Variants in NRG3 observed in about 807,000 individuals in gnomAD.
NRG3 encodes pro-neuregulin-3, membrane-bound isoform.
Under a neutral mutation model 66.9 loss-of-function variants are expected in NRG3, and 31 were observed. That is an observed-to-expected ratio of 0.46 (90% confidence interval 0.35 to 0.63). The LOEUF (loss-of-function observed/expected upper bound fraction) is 0.63. NRG3 is among the 20% of genes least tolerant of loss of function. The pLI is 0.00. For synonymous variants in NRG3, 393 were observed against 359.4 expected, an observed-to-expected ratio of 1.09 and a Z score of -1.06; for missense variants, 910 against 878.9, an observed-to-expected ratio of 1.04 and a Z score of -0.45.
chr10:82,963,491 T>TA (rs1371700571), intron 6 of NRG3, among the ~76,000 whole-genome samples: 1 of 151,978 alleles, frequency 6.6e-6, no homozygotes, highest in Non-Finnish European at 1.5e-5. Context: ...CAATCCTGGC[T>TA]AACACGGTGA....
At chr10:81,943,928 CA>C (rs761414106) in intron 1 of NRG3, among the ~76,000 whole-genome samples, 13 of 152,126 alleles carry the variant, frequency 8.5e-5, no homozygotes, top group Non-Finnish European at 1.8e-4. Context: ...CACATTGTGA[CA>C]AGTGTAGTCT....
At chr10:82,713,193 C>T (rs1299855836) in intron 2 of NRG3, among the ~76,000 whole-genome samples, 1 of 149,820 alleles carries the variant, frequency 6.7e-6, no homozygotes, top group Non-Finnish European at 1.5e-5. Context: ...AGGAGGACTA[C>T]CTTAAAGGAT....
chr10:82,807,032 G>T (rs576563383), intron 3 of NRG3, among the ~76,000 whole-genome samples: 2 of 152,258 alleles, frequency 1.3e-5, no homozygotes, highest in African/African-American at 4.8e-5. Flanking sequence ...CACATTGTTT[G>T]CTGCCAAGAC....
intron 2 of NRG3, among the ~76,000 whole-genome samples, chr10:82,427,107 A>G (rs2089499026): frequency 6.6e-6 from 1 of 152,054 alleles, no homozygotes; most frequent in Non-Finnish European, 1.5e-5. Context: ...GTGTTTTGGT[A>G]TTTTTGCAAG....
At chr10:82,131,898 T>C (rs2068848092) in intron 1 of NRG3, among the ~76,000 whole-genome samples, 1 of 152,140 alleles carries the variant, frequency 6.6e-6, no homozygotes, top group South Asian at 2.1e-4. Flanking sequence ...TTTCCAACTT[T>C]GCTCAGTTTG....
chr10:82,766,743 G>A (rs2059527909), intron 3 of NRG3, among the ~76,000 whole-genome samples: 1 of 151,766 alleles, frequency 6.6e-6, no homozygotes, highest in Non-Finnish European at 1.5e-5. Context: ...ATGTATACAT[G>A]TATTTCCTAT....
At chr10:82,027,017 G>T (rs1348003360) in intron 1 of NRG3, among the ~76,000 whole-genome samples, 1 of 151,852 alleles carries the variant, frequency 6.6e-6, no homozygotes, top group Non-Finnish European at 1.5e-5. Context: ...ATTCATGGGG[G>T]CAGCTAATGA....
intron 4 of NRG3, among the ~76,000 whole-genome samples, chr10:82,875,947 G>A (rs1039114603): frequency 2.0e-5 from 3 of 152,206 alleles, no homozygotes; most frequent in African/African-American, 7.2e-5. Flanking sequence ...TAATTTTCGG[G>A]TGAGATTAAT....
At chr10:82,980,790 T>C (rs1488481954) in intron 8 of NRG3, among the ~76,000 whole-genome samples, 2 of 152,206 alleles carry the variant, frequency 1.3e-5, no homozygotes, top group African/African-American at 4.8e-5. Flanking sequence ...GCCAAGGGGT[T>C]CAAAATGTAT....
chr10:82,548,208 T>A (rs1021492854), intron 2 of NRG3, among the ~76,000 whole-genome samples: 2 of 152,096 alleles, frequency 1.3e-5, no homozygotes, highest in Non-Finnish European at 2.9e-5. Flanking sequence ...TTTTGCTTTG[T>A]GAGAGAAAAT....
chr10:81,986,913 C>G (rs1315931968), intron 1 of NRG3, among the ~76,000 whole-genome samples: 2 of 152,142 alleles, frequency 1.3e-5, no homozygotes, highest in African/African-American at 4.8e-5. Context: ...AACTCCTGAA[C>G]TTAAGTAATC....
intron 1 of NRG3, among the ~76,000 whole-genome samples, chr10:81,975,864 T>G (rs1383615299): frequency 1.3e-5 from 2 of 152,062 alleles, no homozygotes; most frequent in Non-Finnish European, 2.9e-5. Flanking sequence ...GTCTTTTAAA[T>G]GAGGAAGAAG....
chr10:82,909,135 C>T (rs1845070898), intron 4 of NRG3, among the ~76,000 whole-genome samples: 1 of 152,214 alleles, frequency 6.6e-6, no homozygotes, highest in African/African-American at 2.4e-5. Flanking sequence ...GGCCAGAAAC[C>T]ATGCAATTTC....
At chr10:81,960,645 C>A (rs1850269949) in intron 1 of NRG3, among the ~76,000 whole-genome samples, 1 of 151,434 alleles carries the variant, frequency 6.6e-6, no homozygotes, top group Non-Finnish European at 1.5e-5. Flanking sequence ...TCAAGCGTTA[C>A]ACTTTGTTTA....
intron 1 of NRG3, among the ~76,000 whole-genome samples, chr10:82,065,723 G>A (rs17655972): frequency 0.4 from 60,576 of 151,954 alleles, 14,383 homozygotes; most frequent in Non-Finnish European, 0.54. Flanking sequence ...TCTCTAGATG[G>A]ACCCTTGCAG....
intron 2 of NRG3, among the ~76,000 whole-genome samples, chr10:82,652,166 A>T (rs2051467318): frequency 6.6e-6 from 1 of 152,128 alleles, no homozygotes; most frequent in African/African-American, 2.4e-5. Flanking sequence ...TGCCAGCAGG[A>T]GTGAACTCCA....
At chr10:82,966,010 G>T (rs1851177022) in intron 6 of NRG3, among the ~76,000 whole-genome samples, 1 of 151,972 alleles carries the variant, frequency 6.6e-6, no homozygotes, top group Non-Finnish European at 1.5e-5. Flanking sequence ...TGATATTTTA[G>T]GATAGCTTTC....
intron 1 of NRG3, among the ~76,000 whole-genome samples, chr10:82,298,280 GAGGAAGGA>G (rs1039697003): frequency 6.6e-5 from 10 of 151,466 alleles, no homozygotes; most frequent in Admixed American, 3.3e-4. Flanking sequence ...GGGAGAGAGG[GAGGAAGGA>G]AGGAAGGAAG....
At chr10:82,405,766 C>T (rs1398469709) in intron 2 of NRG3, among the ~76,000 whole-genome samples, 3 of 152,176 alleles carry the variant, frequency 2.0e-5, no homozygotes, top group Admixed American at 2.0e-4. Context: ...CAGCGCCTAG[C>T]CTGGAGTGAT....
Sources: gnomAD v4.1 joint callset for allele counts (sites outside exome capture counted in the v4.1 genomes callset) on GRCh38, gnomAD v4.1.1 for gene constraint, MANE v1.5 for transcripts, NCBI Gene and HGNC (gene_info 2026-07-23, HGNC 2026-07-21) for gene names.